PACRG: variants seen among roughly 807,000 people sequenced by gnomAD.
PACRG encodes the protein parkin coregulated, also known as parkin coregulated gene protein.
Under a neutral mutation model 29.7 loss-of-function variants are expected in PACRG, and 29 were observed. The observed-to-expected ratio is 0.98, with a 90% CI of 0.73 to 1.33. PACRG has a LOEUF of 1.33. PACRG is among the 40% of genes most tolerant of loss of function. The pLI is 0.00. For missense variants in PACRG, 279 were observed against 316.2 expected (o/e 0.88, Z 0.89); for synonymous variants, 116 against 118.7 (o/e 0.98, Z 0.15).
At chr6:162,808,202 G>A (rs187845649) in intron 1 of PACRG, among the ~76,000 whole-genome samples, 39 of 152,312 alleles carry the variant, frequency 2.6e-4, no homozygotes, top group African/African-American at 8.4e-4. Flanking sequence ...GAAGGTAACC[G>A]ATTTACCATT....
At chr6:163,308,019 A>G (rs1785254510) in intron 4 of PACRG, among the ~76,000 whole-genome samples, 1 of 152,220 alleles carries the variant, frequency 6.6e-6, no homozygotes, top group African/African-American at 2.4e-5. Context: ...AATTCAGTCC[A>G]AGCTAACCCA....
chr6:163,210,683 C>T (rs2128154342), intron 4 of PACRG, among the ~76,000 whole-genome samples: 1 of 152,348 alleles, frequency 6.6e-6, no homozygotes, highest in East Asian at 1.9e-4. Context: ...CTTCCCCTTA[C>T]TTTTGCTGAG....
At chr6:162,979,041 C>T (rs1422686426) in intron 2 of PACRG, among the ~76,000 whole-genome samples, 2 of 152,170 alleles carry the variant, frequency 1.3e-5, no homozygotes, top group Non-Finnish European at 2.9e-5. Context: ...TAAATAAGTG[C>T]AAAACATATA....
chr6:163,056,346 A>G (rs1468182253), intron 2 of PACRG, among the ~76,000 whole-genome samples: 2 of 152,246 alleles, frequency 1.3e-5, no homozygotes, highest in African/African-American at 4.8e-5. Context: ...CCAAATGTCC[A>G]TCTGCGAATT....
rs142754509 is a variant in PACRG at position 162,804,834 on chromosome 6, G to C, written c.157-9313G>C. Among the ~76,000 whole-genome samples, 63 of 152,248 alleles carry C rather than the reference G, an allele frequency of 4.1e-4. No homozygotes were observed. The East Asian group carries it at 0.01, about 25-fold the overall frequency. On this transcript the variant is annotated intron_variant, in intron 1 of 4. Transcript: ENST00000366888. Reference sequence around the variant, plus strand: ...TATATTGAATATTTATTGAAATACAGTCATGTATTCCTTAAATGTGGGGAT... The same window carrying C: ...TATATTGAATATTTATTGAAATACACTCATGTATTCCTTAAATGTGGGGAT...
intron 1 of PACRG, among the ~76,000 whole-genome samples, chr6:162,801,817 A>T (rs2128341407): frequency 6.6e-6 from 1 of 152,292 alleles, no homozygotes; most frequent in East Asian, 1.9e-4. Flanking sequence ...TTAAATTTAT[A>T]AAATTTATAG....
intron 2 of PACRG, among the ~76,000 whole-genome samples, chr6:162,983,379 T>C (rs1802593780): frequency 6.6e-6 from 1 of 151,972 alleles, no homozygotes. Flanking sequence ...TATTTTTTTT[T>C]CCATTGTGTT....
intron 4 of PACRG, among the ~76,000 whole-genome samples, chr6:163,288,514 A>C (rs562221285): frequency 6.6e-6 from 1 of 152,344 alleles, no homozygotes; most frequent in Middle Eastern, 3.4e-3. Flanking sequence ...ATTCTCCTAC[A>C]TTTGAAATTC....
chr6:162,966,290 G>A (rs932018932), intron 2 of PACRG, among the ~76,000 whole-genome samples: 4 of 152,134 alleles, frequency 2.6e-5, no homozygotes, highest in Non-Finnish European at 4.4e-5. Context: ...GGTGCCTTCC[G>A]TTCATTGGAT....
chr6:162,763,434 A>T (rs1205319426), intron 1 of PACRG, among the ~76,000 whole-genome samples: 2 of 152,258 alleles, frequency 1.3e-5, no homozygotes, highest in African/African-American at 4.8e-5. Context: ...TGATTTTAAA[A>T]TAGAACATAC....
At chr6:163,134,922 C>A (rs558545722) in intron 4 of PACRG, among the ~76,000 whole-genome samples, 4 of 152,262 alleles carry the variant, frequency 2.6e-5, no homozygotes, top group Admixed American at 1.3e-4. Flanking sequence ...ACACCGACAC[C>A]ACCTGTGGAC....
intron 1 of PACRG, among the ~76,000 whole-genome samples, chr6:162,794,064 G>A (rs891384853): frequency 6.6e-6 from 1 of 152,068 alleles, no homozygotes; most frequent in African/African-American, 2.4e-5. Flanking sequence ...GGTTTCCAAA[G>A]TGTATCCATT....
At chr6:163,006,030 T>TAATATATATA (rs1805059003) in intron 2 of PACRG, among the ~76,000 whole-genome samples, 1 of 142,188 alleles carries the variant, frequency 7.0e-6, no homozygotes, top group Admixed American at 7.1e-5. Context: ...ATTATATATG[T>TAATATATATA]TATATATAAC....
chr6:163,086,896 T>TG (rs750520621), intron 3 of PACRG, among the ~76,000 whole-genome samples: 11 of 152,058 alleles, frequency 7.2e-5, no homozygotes, highest in Non-Finnish European at 1.2e-4. Flanking sequence ...AAAAATAAAG[T>TG]GGGGTATGAT....
intron 2 of PACRG, among the ~76,000 whole-genome samples, chr6:163,005,467 G>A (rs112428951): frequency 6.6e-6 from 1 of 151,438 alleles, no homozygotes; most frequent in Non-Finnish European, 1.5e-5. Context: ...TATTACTTTA[G>A]TAGTGGCCCA....
intron 4 of PACRG, among the ~76,000 whole-genome samples, chr6:163,278,822 T>C (rs1281141424): frequency 6.6e-6 from 1 of 152,184 alleles, no homozygotes; most frequent in Non-Finnish European, 1.5e-5. Context: ...TGTGGGCTCC[T>C]TTTTAGTTCC....
chr6:163,273,434 T>G (rs1029306954), intron 4 of PACRG, among the ~76,000 whole-genome samples: 15 of 152,214 alleles, frequency 9.9e-5, no homozygotes, highest in Non-Finnish European at 2.1e-4. Flanking sequence ...TATTCTCATG[T>G]CTGGACCTAG....
At chr6:163,075,363 C>T (rs1199895786) in intron 3 of PACRG, among the ~76,000 whole-genome samples, 1 of 152,046 alleles carries the variant, frequency 6.6e-6, no homozygotes, top group Non-Finnish European at 1.5e-5. Context: ...CAAATTTTTC[C>T]AGACAATAAA....
intron 4 of PACRG, among the ~76,000 whole-genome samples, chr6:163,105,928 G>T (rs1815356867): frequency 6.6e-6 from 1 of 152,092 alleles, no homozygotes; most frequent in African/African-American, 2.4e-5. Flanking sequence ...AATTTTTAAT[G>T]AGATTATTGA....
Sources: allele counts gnomAD v4.1 joint callset (sites outside exome capture counted in the v4.1 genomes callset), GRCh38; gene constraint gnomAD v4.1.1; transcripts MANE v1.5; gene names NCBI Gene and HGNC (gene_info 2026-07-23, HGNC 2026-07-21).